The following PARD3 variants were observed in gnomAD, a reference collection of about 807,000 sequenced individuals.
PARD3 encodes the protein par-3 family cell polarity regulator, also known as partitioning defective 3 homolog.
Under a neutral mutation model 155.4 loss-of-function variants are expected in PARD3, and 75 were observed. The observed-to-expected ratio is 0.48, with a 90% confidence interval of 0.40 to 0.58. PARD3 has a LOEUF of 0.58. Among genes scored for constraint, PARD3 ranks in the 20% least tolerant of loss-of-function variants. PARD3 has a pLI of 0.00. For synonymous variants in PARD3, 576 were observed against 610.5 expected (o/e 0.94, Z 0.83); for missense variants, 1,642 against 1,721.7 (o/e 0.95, Z 0.82).
At chr10:34,635,807 T>C (rs926011538) in intron 2 of PARD3, among the ~76,000 whole-genome samples, 2 of 152,156 alleles carry the variant, frequency 1.3e-5, no homozygotes, top group Non-Finnish European at 2.9e-5. Context: ...CTCCTCACAT[T>C]TGCTGTGTGA....
At chr10:34,545,827 G>A (rs1397130062) in intron 2 of PARD3, among the ~76,000 whole-genome samples, 1 of 152,066 alleles carries the variant, frequency 6.6e-6, no homozygotes, top group East Asian at 1.9e-4. Context: ...CCAAGTGCTG[G>A]GATTACAGAT....
chr10:34,427,465 A>C (rs1486678723), intron 5 of PARD3, among the ~76,000 whole-genome samples: 1 of 152,160 alleles, frequency 6.6e-6, no homozygotes, highest in African/African-American at 2.4e-5. Flanking sequence ...TTCTAGTCAG[A>C]CCGGTTCTCT....
intron 22 of PARD3, among the ~76,000 whole-genome samples, chr10:34,217,654 T>C (rs1386600912): frequency 6.6e-6 from 1 of 152,088 alleles, no homozygotes; most frequent in East Asian, 1.9e-4. Flanking sequence ...GGAGAAGCTT[T>C]GTAATCATGA....
At chr10:34,412,893 A>T (rs1365793974) in intron 5 of PARD3, among the ~76,000 whole-genome samples, 1 of 152,194 alleles carries the variant, frequency 6.6e-6, no homozygotes, top group African/African-American at 2.4e-5. Context: ...ACATAGGCCA[A>T]ATAAGAAATA....
At chr10:34,269,976 A>G (rs1955535143) in intron 21 of PARD3, 77 bp from the exon 22 acceptor site, 2 of 1,360,412 alleles carry the variant, frequency 1.5e-6, no homozygotes, top group Non-Finnish European at 1.0e-6. Flanking sequence ...ATTCATCAAA[A>G]TATGTTGTAA....
chr10:34,344,502 A>G lies in PARD3; in HGVS notation c.2219-2686T>C, dbSNP rs183285027. ...TTCACATGTTGGCCAGGCTGGTCTT[A>G]AACTCCTGACCTCAGTTGATCCACC... On this transcript the variant is annotated intron_variant, in intron 15 of 24. Transcript: ENST00000374788. 326 of 760,304 alleles carry G rather than the reference A, an allele frequency of 4.3e-4. 2 individuals are homozygous for G. The African/African-American group carries it at 5.5e-3, about 13-fold the overall frequency. The allele number at this position is 760,304 out of a possible 1,614,324, so 47.1% of individuals were successfully genotyped here.
intron 5 of PARD3, among the ~76,000 whole-genome samples, chr10:34,412,621 T>A (rs1311474410): frequency 6.6e-6 from 1 of 152,240 alleles, no homozygotes; most frequent in Non-Finnish European, 1.5e-5. Context: ...ATGAATTAAA[T>A]GCTGGGAAAT....
chr10:34,704,416 G>T (rs1016183487), intron 1 of PARD3, among the ~76,000 whole-genome samples: 1 of 152,088 alleles, frequency 6.6e-6, no homozygotes, highest in Non-Finnish European at 1.5e-5. Context: ...TAACAAAGTG[G>T]TCTAAAAAGT....
At chr10:34,206,573 G>C (rs574492520) in intron 22 of PARD3, among the ~76,000 whole-genome samples, 9 of 152,344 alleles carry the variant, frequency 5.9e-5, no homozygotes, top group African/African-American at 1.9e-4. Context: ...ACGCAGTGTT[G>C]CATCTCCCTG....
At chr10:34,368,329 A>G (rs1197539631) in intron 12 of PARD3, among the ~76,000 whole-genome samples, 5 of 152,186 alleles carry the variant, frequency 3.3e-5, no homozygotes, top group Admixed American at 6.5e-5. Flanking sequence ...CTCATGAGAT[A>G]GGTAGAAGTC....
chr10:34,377,402 C>T (rs1042818918), intron 10 of PARD3, among the ~76,000 whole-genome samples: 3 of 151,824 alleles, frequency 2.0e-5, no homozygotes, highest in African/African-American at 7.3e-5. Context: ...CCAGCCTGGC[C>T]AATGTGGTGA....
intron 2 of PARD3, among the ~76,000 whole-genome samples, chr10:34,535,552 T>C (rs2083166221): frequency 6.6e-6 from 1 of 152,170 alleles, no homozygotes; most frequent in African/African-American, 2.4e-5. Flanking sequence ...AGTGGCGCAA[T>C]CTTAGCTCAC....
chr10:34,331,342 A>G lies in PARD3; in HGVS notation c.2608T>C (p.Ser870Pro), dbSNP rs1338265314. ...LNTVDDQKAG[S>P]PSRDVGPSLG... Reference sequence around the variant, plus strand: ...GAAGGACCCACATCTCTGCTGGGAGAACCTGGGAGGTTTACAAGAAAAAAA... The same window carrying G: ...GAAGGACCCACATCTCTGCTGGGAGGACCTGGGAGGTTTACAAGAAAAAAA... Residue 870 changes from serine (S) to proline (P), a missense_variant and splice_region_variant, in exon 19 of 25, where the codon TCT (serine) becomes CCT (proline). This residue lies in a region of PARD3 where 1,529 missense variants were observed against 1,587.3 expected (regional missense o/e 0.96). Coordinates refer to ENST00000374788, the MANE Select transcript of PARD3 (RefSeq NM_001184785.2). 1 of 1,608,720 alleles carries G rather than the reference A, an allele frequency of 6.2e-7. No homozygotes were observed. The highest frequency in any genetic ancestry group is 8.5e-7 in the Non-Finnish European group (1 of 1,175,360).
chr10:34,789,884 T>C (rs1028991285), intron 1 of PARD3, among the ~76,000 whole-genome samples: 2 of 152,248 alleles, frequency 1.3e-5, no homozygotes, highest in Non-Finnish European at 2.9e-5. Context: ...AGTATGAATT[T>C]ATTTTATTAT....
At chr10:34,307,617 C>T (rs1435364850) in intron 20 of PARD3, among the ~76,000 whole-genome samples, 3 of 152,088 alleles carry the variant, frequency 2.0e-5, no homozygotes, top group Admixed American at 1.3e-4. Context: ...TTTACACTGG[C>T]GTTGAAGGCT....
intron 15 of PARD3, chr10:34,343,416 G>GA (rs1266273720): frequency 2.0e-6 from 2 of 982,120 alleles, no homozygotes; most frequent in African/African-American, 1.8e-5. Flanking sequence ...GTTCTGAGTA[G>GA]AAATATTATA....
In PARD3 at chr10:34,320,808, T is replaced by C. The variant is rs141982428; in HGVS notation, c.2834-3470A>G. On this transcript the variant is annotated intron_variant, in intron 19 of 24. Coordinates refer to ENST00000374788, the MANE Select transcript of PARD3 (RefSeq NM_001184785.2). ...GACTGTTTAAAATGACACTTGCACA[T>C]TGGAGGATTCTTTATGCTTGTTCTG... Among the ~76,000 whole-genome samples, 231 of 152,318 alleles carry C rather than the reference T, an allele frequency of 1.5e-3. 1 individual carries two copies. The highest frequency in any genetic ancestry group is 5.1e-3 in the African/African-American group (214 of 41,572).
chr10:34,501,154 C>T (rs976934777), intron 3 of PARD3, among the ~76,000 whole-genome samples: 1 of 152,038 alleles, frequency 6.6e-6, no homozygotes, highest in African/African-American at 2.4e-5. Context: ...TGGATACTTG[C>T]CCCCTGCCCA....
At chr10:34,279,141 CTTTTTTTTT>C (rs143467605) in intron 21 of PARD3, among the ~76,000 whole-genome samples, 1 of 102,052 alleles carries the variant, frequency 9.8e-6, no homozygotes, top group African/African-American at 4.1e-5. Context: ...ATATTTTTTC[CTTTTTTTTT>C]TTTTTTTTTT....
Sources: allele counts gnomAD v4.1 joint callset (sites outside exome capture counted in the v4.1 genomes callset), GRCh38; gene constraint gnomAD v4.1.1; regional missense constraint gnomAD v4.1.1; transcripts MANE v1.5; gene names NCBI Gene and HGNC (gene_info 2026-07-23, HGNC 2026-07-21).